The following ATG5 variants were observed in gnomAD, a reference collection of about 807,000 sequenced individuals.
The protein encoded by ATG5 is autophagy protein 5.
A neutral mutation model predicts 36.5 loss-of-function variants in ATG5; 14 were observed. That is an observed-to-expected ratio of 0.38 (90% CI 0.25 to 0.60). ATG5 has a LOEUF of 0.60. Among genes scored for constraint, ATG5 ranks in the 20% least tolerant of loss-of-function variants. ATG5 has a pLI of 0.60. For missense variants in ATG5, 195 were observed against 326.7 expected (o/e 0.60, Z 3.11); for synonymous variants, 95 against 101.5 (o/e 0.94, Z 0.38).
intron 7 of ATG5, among the ~76,000 whole-genome samples, chr6:106,195,808 T>TTAA (rs1238310122): frequency 1.1e-5 from 1 of 91,348 alleles, no homozygotes; most frequent in Non-Finnish European, 2.1e-5. Context: ...TGCTCCCCTC[T>TTAA]AAAAAAAAAA....
intron 6 of ATG5, among the ~76,000 whole-genome samples, chr6:106,244,991 T>C (rs974809506): frequency 1.3e-5 from 2 of 152,248 alleles, no homozygotes; most frequent in African/African-American, 4.8e-5. Context: ...ACCACCTGTT[T>C]ACAAGTGCTA....
intron 6 of ATG5, among the ~76,000 whole-genome samples, chr6:106,202,722 C>T (rs150384992): frequency 0.06 from 9,069 of 152,146 alleles, 366 homozygotes; most frequent in South Asian, 0.13. Context: ...AGTGCAGTGG[C>T]GCGATCTCAG....
At chr6:106,200,318 A>T (rs1053197215) in intron 7 of ATG5, among the ~76,000 whole-genome samples, 3 of 152,208 alleles carry the variant, frequency 2.0e-5, no homozygotes, top group Admixed American at 2.0e-4. Flanking sequence ...TATGTCATGC[A>T]AGTAATCCTG....
At chr6:106,205,381 T>C (rs1181913228) in intron 6 of ATG5, among the ~76,000 whole-genome samples, 1 of 152,230 alleles carries the variant, frequency 6.6e-6, no homozygotes, top group African/African-American at 2.4e-5. Flanking sequence ...GTGTATGAAA[T>C]GTGAGGTGGC....
In ATG5 at chr6:106,279,701, C is replaced by T. The variant is rs1264223579; in HGVS notation, c.438G>A (p.Gln146=). 1 of 1,602,080 alleles carries T rather than the reference C, an allele frequency of 6.2e-7. No individual in the cohort carries two copies. The highest frequency in any genetic ancestry group is 8.5e-7 in the Non-Finnish European group (1 of 1,175,106). The part of the protein sequence containing the change: ...KHKSQVINEM[Q]KKDHKQLWMG... Reference sequence around the variant, plus strand: ...TCCAGAGTTGCTTGTGATCTTTTTTCTGCATTTCATTGATTACTTGACTTT... The same window carrying T: ...TCCAGAGTTGCTTGTGATCTTTTTTTTGCATTTCATTGATTACTTGACTTT... Residue 146 remains glutamine, a synonymous_variant, in exon 5 of 8, where the codon CAG becomes CAA. Coordinates refer to ENST00000369076, the MANE Select transcript of ATG5 (RefSeq NM_004849.4).
At chr6:106,314,817 C>A (rs1349171185) in intron 2 of ATG5, among the ~76,000 whole-genome samples, 2 of 152,012 alleles carry the variant, frequency 1.3e-5, no homozygotes, top group African/African-American at 4.8e-5. Context: ...AAACTATGAC[C>A]ATACTTGGTT....
At chr6:106,324,975 GA>G (rs2114697842) in intron 1 of ATG5, among the ~76,000 whole-genome samples, 1 of 152,202 alleles carries the variant, frequency 6.6e-6, no homozygotes. Flanking sequence ...TCACCCCTCA[GA>G]AAAATCTAGA....
intron 6 of ATG5, among the ~76,000 whole-genome samples, chr6:106,242,312 T>C (rs1778160587): frequency 1.3e-5 from 2 of 151,890 alleles, no homozygotes; most frequent in Admixed American, 6.6e-5. Flanking sequence ...TAATACAATA[T>C]AGATAAACAA....
chr6:106,194,691 C>T lies in ATG5; in HGVS notation c.691+7281G>A, dbSNP rs1034721334. On this transcript the variant is annotated intron_variant, in intron 7 of 7. Coordinates refer to ENST00000369076, the MANE Select transcript of ATG5 (RefSeq NM_004849.4). ...TAGCTGGGATTACAGGCATGCACCA[C>T]CACGCCTAGCTAATTTTGTACTTTT... 3.9e-5 allele frequency among the ~76,000 whole-genome samples: 6 copies of T among 152,120 alleles called. No individual in the cohort carries two copies. The East Asian group carries it at 5.8e-4, about 15-fold the overall frequency.
chr6:106,242,714 T>G (rs1318397975), intron 6 of ATG5, among the ~76,000 whole-genome samples: 1 of 152,246 alleles, frequency 6.6e-6, no homozygotes, highest in African/African-American at 2.4e-5. Flanking sequence ...AGTTCAAAAT[T>G]TATTACAAAT....
At chr6:106,281,360 C>A (rs573309985) in intron 4 of ATG5, among the ~76,000 whole-genome samples, 1 of 152,194 alleles carries the variant, frequency 6.6e-6, no homozygotes, top group African/African-American at 2.4e-5. Flanking sequence ...TCATTCCCTT[C>A]CCAAGGAATT....
intron 4 of ATG5, 60 bp from the exon 5 acceptor site, chr6:106,279,883 TAA>T: frequency 8.7e-7 from 1 of 1,153,276 alleles, no homozygotes. Context: ...ATTAACCTCT[TAA>T]AAGAGAACTA....
chr6:106,192,482 C>T (rs1206586805), intron 7 of ATG5, among the ~76,000 whole-genome samples: 1 of 152,080 alleles, frequency 6.6e-6, no homozygotes, highest in Non-Finnish European at 1.5e-5. Flanking sequence ...TAGTGAGATG[C>T]TTGAGTTTCC....
chr6:106,225,566 T>C (rs919471708), intron 6 of ATG5, among the ~76,000 whole-genome samples: 25 of 152,292 alleles, frequency 1.6e-4, no homozygotes, highest in African/African-American at 4.1e-4. Context: ...GGTTGAATCA[T>C]TAAAGTGGTG....
intron 6 of ATG5, among the ~76,000 whole-genome samples, chr6:106,228,414 G>A (rs188737513): frequency 1.3e-5 from 2 of 152,070 alleles, no homozygotes; most frequent in African/African-American, 2.4e-5. Context: ...CTAAGTGCCC[G>A]GGTTCATCCT....
At chr6:106,216,838 G>A (rs954667854) in intron 6 of ATG5, among the ~76,000 whole-genome samples, 1 of 151,888 alleles carries the variant, frequency 6.6e-6, no homozygotes, top group Non-Finnish European at 1.5e-5. Flanking sequence ...GATCATACCT[G>A]TAAATAGCCA....
Position 106,185,607 on chromosome 6 carries a change from C to T in ATG5, c.*933G>A, listed in dbSNP as rs1184961949. On this transcript the variant is annotated 3_prime_UTR_variant, in exon 8 of 8. Transcript: ENST00000369076. ...ACCTGGAGCCAATGAAAAACACTAG[C>T]TTGGAAGGAATGGGTTTTTCCAAAA... is the stretch of plus-strand genomic sequence containing the variant. 2 of 152,264 alleles carry T rather than the reference C, an allele frequency of 1.3e-5. No homozygotes were observed. Among genetic ancestry groups the T allele is most frequent in the Non-Finnish European group, 2.9e-5 (2 of 68,034 alleles). 9.4% of individuals were successfully genotyped at this position (152,264 alleles called of 1,614,324 possible).
At chr6:106,198,123 T>C (rs958578656) in intron 7 of ATG5, among the ~76,000 whole-genome samples, 17 of 152,154 alleles carry the variant, frequency 1.1e-4, no homozygotes, top group South Asian at 6.2e-4. Context: ...GAAAATGAAC[T>C]AAAAAAGTAA....
chr6:106,303,867 A>G (rs1770314239), intron 3 of ATG5, among the ~76,000 whole-genome samples: 1 of 152,060 alleles, frequency 6.6e-6, no homozygotes, highest in Non-Finnish European at 1.5e-5. Flanking sequence ...ATTCATGACA[A>G]TTGTGAAAGA....
Sources: allele counts gnomAD v4.1 joint callset (sites outside exome capture counted in the v4.1 genomes callset), GRCh38; gene constraint gnomAD v4.1.1; transcripts MANE v1.5; gene names NCBI Gene and HGNC (gene_info 2026-07-23, HGNC 2026-07-21).